RIMS2: variants seen among roughly 807,000 people sequenced by gnomAD.
RIMS2 encodes the protein regulating synaptic membrane exocytosis 2, also known as regulating synaptic membrane exocytosis protein 2.
In RIMS2, 59 loss-of-function variants were observed where a neutral mutation model predicts 174.4. The ratio of observed to expected loss-of-function variants is 0.34; its 90% confidence interval spans 0.27 to 0.42. The LOEUF (loss-of-function observed/expected upper bound fraction) is 0.42. Among genes scored for constraint, RIMS2 ranks in the 10% least tolerant of loss-of-function variants. The pLI is 1.00. For missense variants in RIMS2, 1,620 were observed against 1,666.3 expected, an observed-to-expected ratio of 0.97 and a Z score of 0.48; for synonymous variants, 606 against 572.5, an observed-to-expected ratio of 1.06 and a Z score of -0.84.
At chr8:103,783,098 C>T (rs2098406872) in intron 3 of RIMS2, among the ~76,000 whole-genome samples, 1 of 152,076 alleles carries the variant, frequency 6.6e-6, no homozygotes, top group African/African-American at 2.4e-5. Flanking sequence ...GCTCAGGGTC[C>T]TCTTCAAAGC....
At chr8:104,108,855 T>C (rs1026264164) in intron 19 of RIMS2, among the ~76,000 whole-genome samples, 1 of 152,164 alleles carries the variant, frequency 6.6e-6, no homozygotes, top group African/African-American at 2.4e-5. Flanking sequence ...TGCTACCTTA[T>C]ATGGTACACC....
At chr8:104,185,671 C>G (rs1381453099) in intron 19 of RIMS2, among the ~76,000 whole-genome samples, 1 of 151,326 alleles carries the variant, frequency 6.6e-6, no homozygotes, top group East Asian at 1.9e-4. Flanking sequence ...TAGAGAAATG[C>G]AAATTAAAAC....
chr8:104,252,939 C>T (rs1000125344), downstream of RIMS2: 3 of 152,106 alleles, frequency 2.0e-5, no homozygotes, highest in Non-Finnish European at 2.9e-5. Flanking sequence ...TCTCATACCC[C>T]ATGTTTGATT....
intron 3 of RIMS2, among the ~76,000 whole-genome samples, chr8:103,871,519 C>T (rs2099111685): frequency 6.6e-6 from 1 of 151,948 alleles, no homozygotes. Flanking sequence ...TAACTACTTT[C>T]AGATTTTTTT....
chr8:103,989,024 T>C (rs1397189412), intron 16 of RIMS2, among the ~76,000 whole-genome samples: 1 of 152,200 alleles, frequency 6.6e-6, no homozygotes, highest in East Asian at 1.9e-4. Context: ...GTCATCCATA[T>C]GATGGTTATA....
chr8:103,778,760 G>A (rs1275665485), intron 3 of RIMS2, among the ~76,000 whole-genome samples: 1 of 152,064 alleles, frequency 6.6e-6, no homozygotes, highest in African/African-American at 2.4e-5. Context: ...TCTTTTGGAT[G>A]TATACTCAGT....
At chr8:103,625,288 C>T (rs923299873) in intron 1 of RIMS2, among the ~76,000 whole-genome samples, 15 of 152,058 alleles carry the variant, frequency 9.9e-5, no homozygotes, top group Admixed American at 6.5e-4. Context: ...AAAGTTGAGG[C>T]ACTTAAGGAG....
chr8:104,217,441 G>T (rs1204157916), intron 19 of RIMS2, among the ~76,000 whole-genome samples: 2 of 151,906 alleles, frequency 1.3e-5, no homozygotes, highest in Non-Finnish European at 2.9e-5. Context: ...GCTAATTTTG[G>T]TATTTTTTGT....
At chr8:103,902,217 G>T (rs2073300625) in intron 4 of RIMS2, among the ~76,000 whole-genome samples, 1 of 152,134 alleles carries the variant, frequency 6.6e-6, no homozygotes. Flanking sequence ...AGTTCCTAAA[G>T]GCTGCCTGCA....
chr8:103,951,423 T>C (rs116176104), intron 14 of RIMS2, among the ~76,000 whole-genome samples: 362 of 152,238 alleles, frequency 2.4e-3, no homozygotes, highest in African/African-American at 8.2e-3. Flanking sequence ...GTTCATCTCA[T>C]TGGGACTGCT....
At chr8:103,697,451 G>A (rs1590594466) in intron 2 of RIMS2, among the ~76,000 whole-genome samples, 155 bp downstream of exon 4, 1 of 151,768 alleles carries the variant, frequency 6.6e-6, no homozygotes, top group African/African-American at 2.4e-5. Context: ...GCTCACGCCT[G>A]TAATCTTAGC....
intron 19 of RIMS2, among the ~76,000 whole-genome samples, chr8:104,207,588 C>A (rs1327795673): frequency 6.6e-6 from 1 of 151,764 alleles, no homozygotes; most frequent in African/African-American, 2.4e-5. Flanking sequence ...GGTGGATCAC[C>A]TGAGGTCAGG....
chr8:103,605,609 A>G lies in RIMS2; in HGVS notation c.177-91477A>G, dbSNP rs200197173. 4.8e-3 allele frequency among the ~76,000 whole-genome samples: 735 copies of G among 151,588 alleles called. 6 individuals carry two copies. Among genetic ancestry groups the G allele is most frequent in the African/African-American group, 0.016 (657 of 41,034 alleles). On this transcript the variant is annotated intron_variant, in intron 1 of 23. Transcript: ENST00000504942. ...CCTCCTTGTACCTCTGGTAGAATTC[A>G]GCTGTGAATCCATCTGGTCCTGGAC... is the stretch of plus-strand genomic sequence containing the variant.
chr8:103,577,814 G>C (rs1214822594), intron 1 of RIMS2, among the ~76,000 whole-genome samples: 1 of 152,120 alleles, frequency 6.6e-6, no homozygotes, highest in East Asian at 1.9e-4. Flanking sequence ...TTCCTGATCT[G>C]ACAAACTCAT....
intron 1 of RIMS2, among the ~76,000 whole-genome samples, chr8:103,577,438 G>A (rs1438895150): frequency 6.6e-6 from 1 of 152,142 alleles, no homozygotes; most frequent in East Asian, 1.9e-4. Flanking sequence ...GACACAGGGA[G>A]GGGAACATCA....
chr8:103,674,073 T>C (rs1018016457), intron 1 of RIMS2, among the ~76,000 whole-genome samples: 1 of 152,334 alleles, frequency 6.6e-6, no homozygotes, highest in East Asian at 1.9e-4. Flanking sequence ...AGCTAAACTT[T>C]TTGCTTAGGC....
chr8:104,167,781 T>C (rs2098806523), intron 19 of RIMS2, among the ~76,000 whole-genome samples: 1 of 152,148 alleles, frequency 6.6e-6, no homozygotes, highest in African/African-American at 2.4e-5. Flanking sequence ...TTTCCAGTGT[T>C]GTGTTCTAGA....
chr8:103,575,959 G>T (rs1157616400), intron 1 of RIMS2, among the ~76,000 whole-genome samples: 1 of 152,172 alleles, frequency 6.6e-6, no homozygotes, highest in Non-Finnish European at 1.5e-5. Context: ...GCAGGAGACT[G>T]TCCCTGCCTC....
chr8:103,701,789 T>C (rs1487778194), intron 2 of RIMS2, among the ~76,000 whole-genome samples: 1 of 152,154 alleles, frequency 6.6e-6, no homozygotes, highest in Non-Finnish European at 1.5e-5. Flanking sequence ...GGCCGAATAA[T>C]ATTCCATTGT....
Sources: allele counts gnomAD v4.1 joint callset (sites outside exome capture counted in the v4.1 genomes callset), GRCh38; gene constraint gnomAD v4.1.1; transcripts MANE v1.5; gene names NCBI Gene and HGNC (gene_info 2026-07-23, HGNC 2026-07-21).